Variants in PTPN22 observed in about 807,000 individuals in gnomAD.
PTPN22 encodes tyrosine-protein phosphatase non-receptor type 22.
Under a neutral mutation model 103.3 loss-of-function variants are expected in PTPN22, and 85 were observed. The observed-to-expected ratio is 0.82, with a 90% CI of 0.69 to 0.99. The LOEUF (loss-of-function observed/expected upper bound fraction) is 0.99. PTPN22 is among the 50% of genes least tolerant of loss of function. PTPN22 has a pLI of 0.00. For missense variants in PTPN22, 865 were observed against 936.9 expected (o/e 0.92, Z 1.00); for synonymous variants, 323 against 310.2 (o/e 1.04, Z -0.43).
chr1:113,862,173 T>C (rs1386710505), intron 1 of PTPN22, among the ~76,000 whole-genome samples: 1 of 151,982 alleles, frequency 6.6e-6, no homozygotes, highest in Non-Finnish European at 1.5e-5. Context: ...TCCCAGCTAT[T>C]CAGGAGGCTA....
chr1:113,851,255 C>A (rs1664548009), intron 10 of PTPN22, among the ~76,000 whole-genome samples: 1 of 151,648 alleles, frequency 6.6e-6, no homozygotes, highest in South Asian at 2.1e-4. Flanking sequence ...CAGGCTCAAG[C>A]AATTCTCCCG....
At chr1:113,825,210 TG>T in intron 18 of PTPN22, 38 bp from the exon 19 acceptor site, 1 of 1,279,976 alleles carries the variant, frequency 7.8e-7, no homozygotes, top group Non-Finnish European at 1.1e-6. Flanking sequence ...TTTTTTCCTG[TG>T]AAACTTGAAA....
chr1:113,834,192 A>G, intron 15 of PTPN22, 117 bp downstream of exon 15: 1 of 1,110,646 alleles, frequency 9.0e-7, no homozygotes, highest in Non-Finnish European at 1.3e-6. Flanking sequence ...CCTCTAGCAC[A>G]TTGTTCTATA....
At chr1:113,831,370 T>C (rs1048194662) in intron 16 of PTPN22, among the ~76,000 whole-genome samples, 4 of 152,148 alleles carry the variant, frequency 2.6e-5, no homozygotes, top group African/African-American at 9.7e-5. Context: ...AAGGAAACTC[T>C]GCACCCATTA....
chr1:113,827,326 C>T (rs1006041371), intron 18 of PTPN22, among the ~76,000 whole-genome samples: 3 of 152,176 alleles, frequency 2.0e-5, no homozygotes, highest in African/African-American at 7.2e-5. Flanking sequence ...CAATCTACTA[C>T]TCAGTTTCTA....
chr1:113,829,012 ATTTATT>A (rs1329988307), intron 18 of PTPN22: 1 of 151,864 alleles, frequency 6.6e-6, no homozygotes, highest in Non-Finnish European at 1.5e-5. Context: ...TTTTCTTTTT[ATTTATT>A]TTTATTTTTA....
At chr1:113,827,824 A>G (rs1257356842) in intron 18 of PTPN22, among the ~76,000 whole-genome samples, 1 of 152,130 alleles carries the variant, frequency 6.6e-6, no homozygotes, top group African/African-American at 2.4e-5. Flanking sequence ...TCTAATTTAA[A>G]AAAAAAATTG....
intron 19 of PTPN22, among the ~76,000 whole-genome samples, 167 bp downstream of exon 19, chr1:113,824,966 CAAAAAAAAA>C (rs35424386): frequency 4.6e-5 from 3 of 65,152 alleles, no homozygotes; most frequent in African/African-American, 1.8e-4. Flanking sequence ...TGAAGCCTAG[CAAAAAAAAA>C]AAAAAAAAAA....
intron 11 of PTPN22, among the ~76,000 whole-genome samples, chr1:113,845,113 C>G (rs1199392477): frequency 2.6e-5 from 4 of 152,152 alleles, no homozygotes; most frequent in African/African-American, 9.7e-5. Flanking sequence ...GCCACCATGC[C>G]CGGTCTCTGT....
intron 13 of PTPN22, among the ~76,000 whole-genome samples, chr1:113,835,997 G>A (rs927115145): frequency 1.3e-5 from 2 of 151,958 alleles, no homozygotes; most frequent in Non-Finnish European, 2.9e-5. Flanking sequence ...GCTCAGAGAA[G>A]TTTAAGGTAT....
intron 11 of PTPN22, among the ~76,000 whole-genome samples, chr1:113,840,041 G>A (rs1422913344): frequency 5.3e-5 from 8 of 151,998 alleles, no homozygotes; most frequent in African/African-American, 1.4e-4. Context: ...GTGAAAGCCC[G>A]TCTCTATTAA....
At chr1:113,841,869 C>T (rs1410344532) in intron 11 of PTPN22, among the ~76,000 whole-genome samples, 4 of 152,088 alleles carry the variant, frequency 2.6e-5, no homozygotes, top group Admixed American at 6.6e-5. Flanking sequence ...TCCCAAAGTG[C>T]TGGGATTACA....
chr1:113,870,767 C>T (rs111584890), intron 1 of PTPN22, among the ~76,000 whole-genome samples: 449 of 152,228 alleles, frequency 2.9e-3, no homozygotes, highest in African/African-American at 0.01. Context: ...TGCCTGTAAT[C>T]CCAGCACTTT....
At chr1:113,855,152 T>G (rs544988366) in intron 7 of PTPN22, 103 bp from the exon 8 acceptor site, 2 of 1,008,754 alleles carry the variant, frequency 2.0e-6, no homozygotes, top group African/African-American at 3.2e-5. Flanking sequence ...TTCAGTGGCA[T>G]GCATGCAACA....
At chr1:113,867,391 C>A (rs1666206090) in intron 1 of PTPN22, among the ~76,000 whole-genome samples, 1 of 152,042 alleles carries the variant, frequency 6.6e-6, no homozygotes, top group Admixed American at 6.5e-5. Context: ...GAGCTTAGGC[C>A]AATTATTTAA....
chr1:113,871,497 T>C (rs370282649), intron 1 of PTPN22, 40 bp downstream of exon 1: 45 of 1,542,174 alleles, frequency 2.9e-5, no homozygotes, highest in Non-Finnish European at 3.9e-5. Context: ...AGTTAAATAG[T>C]GTATGTAACT....
At position 113,826,733 on chromosome 1, in the gene PTPN22, G is replaced by A. The variant is rs1269188203; in HGVS notation, c.2251-1561C>T. 4.4e-5 allele frequency among the ~76,000 whole-genome samples: 6 copies of A among 137,558 alleles called. No individual in the cohort carries two copies. In the Admixed American group the frequency reaches 4.7e-4, roughly 11 times the overall value. The allele number at this position is 137,558 out of a possible 152,430, so 90.2% of individuals were successfully genotyped here. On this transcript the variant is annotated intron_variant, in intron 18 of 20. Coordinates refer to ENST00000359785, the Ensembl canonical transcript of PTPN22. The stretch of plus-strand genomic sequence containing the variant: ...CGCCCAGGCTGGAGTGCAGTGGCGG[G>A]ATCTCGGCTCACTGCAAGCTCCGCC...
intron 18 of PTPN22, among the ~76,000 whole-genome samples, chr1:113,826,419 G>GGAAGGGAAGGGAAGGGAAGT: frequency 6.6e-6 from 1 of 150,486 alleles, no homozygotes; most frequent in South Asian, 2.1e-4. Context: ...GGAAGGGAAG[G>GGAAGGGAAGGGAAGGGAAGT]GAAGGGAAGG....
intron 16 of PTPN22, chr1:113,832,889 T>G (rs1369129063): frequency 2.4e-6 from 1 of 410,166 alleles, no homozygotes; most frequent in Non-Finnish European, 4.4e-6. Flanking sequence ...TTTTTATATA[T>G]TATTTCAGAG....
Sources: gnomAD v4.1 joint callset for allele counts (sites outside exome capture counted in the v4.1 genomes callset) on GRCh38, gnomAD v4.1.1 for gene constraint, MANE v1.5 for transcripts, NCBI Gene and HGNC (gene_info 2026-07-23, HGNC 2026-07-21) for gene names.